SLC6A11: variants seen among roughly 807,000 people sequenced by gnomAD.
The protein encoded by SLC6A11 is solute carrier family 6 member 11.
A neutral mutation model predicts 74.8 loss-of-function variants in SLC6A11; 25 were observed. The observed-to-expected ratio is 0.33, with a 90% CI of 0.24 to 0.47. The LOEUF (loss-of-function observed/expected upper bound fraction) is 0.47, where lower values mean the gene tolerates loss of function less well. Ranked by LOEUF, SLC6A11 falls within the 20% of genes least tolerant of loss-of-function variation. SLC6A11 has a pLI of 1.00. For missense variants in SLC6A11, 574 were observed against 837.0 expected, an observed-to-expected ratio of 0.69 and a Z score of 3.88; for synonymous variants, 330 against 330.2, an observed-to-expected ratio of 1.00 and a Z score of 0.01.
At chr3:10,912,861 G>A (rs539677091) in intron 7 of SLC6A11, among the ~76,000 whole-genome samples, 2 of 152,230 alleles carry the variant, frequency 1.3e-5, no homozygotes, top group Admixed American at 1.3e-4. Flanking sequence ...GTCTGTTGAG[G>A]TTTCGGTCCA....
chr3:10,866,841 G>T (rs976670304), intron 5 of SLC6A11, among the ~76,000 whole-genome samples: 5 of 152,264 alleles, frequency 3.3e-5, no homozygotes, highest in African/African-American at 1.2e-4. Flanking sequence ...TTGTGAGGAG[G>T]CCACATGTGT....
chr3:10,892,146 A>G (rs1037561455), intron 6 of SLC6A11, among the ~76,000 whole-genome samples: 2 of 152,232 alleles, frequency 1.3e-5, no homozygotes, highest in Non-Finnish European at 2.9e-5. Context: ...GATACCTCTT[A>G]GTTGGCTGGG....
At chr3:10,880,283 T>C (rs188807751) in intron 6 of SLC6A11, among the ~76,000 whole-genome samples, 3 of 152,306 alleles carry the variant, frequency 2.0e-5, no homozygotes, top group Admixed American at 6.5e-5. Flanking sequence ...ATTTGTTTGT[T>C]TTCTGAAAAT....
At chr3:10,892,874 G>A (rs1344620905) in intron 6 of SLC6A11, among the ~76,000 whole-genome samples, 1 of 152,190 alleles carries the variant, frequency 6.6e-6, no homozygotes, top group African/African-American at 2.4e-5. Context: ...GGCTGTGGAA[G>A]TGCGTGGGGG....
intron 6 of SLC6A11, among the ~76,000 whole-genome samples, chr3:10,901,866 CT>C (rs1421214226): frequency 6.6e-6 from 1 of 152,250 alleles, no homozygotes; most frequent in Non-Finnish European, 1.5e-5. Flanking sequence ...TAATCATTCA[CT>C]TCTACAAAAG....
In SLC6A11 at chr3:10,816,335, C is replaced by T. The variant is rs1008805036; in HGVS notation, c.70C>T (p.Pro24Ser). 2 of 1,416,720 alleles carry T rather than the reference C, an allele frequency of 1.4e-6. No homozygotes were observed. Among genetic ancestry groups the T allele is most frequent in the Non-Finnish European group, 9.2e-7 (1 of 1,088,830 alleles). The allele number at this position is 1,416,720 out of a possible 1,614,324, so 87.8% of individuals were successfully genotyped here. ...AAEEARESEAPGGGCSSGGAA... is the reference protein window; with the variant it reads ...AAEEARESEASGGGCSSGGAA... Reference sequence around the variant, plus strand: ...TGAGGAGGCGCGGGAGTCCGAGGCGCCGGGTGGCGGCTGCAGCAGCGGGGG... The same window carrying T: ...TGAGGAGGCGCGGGAGTCCGAGGCGTCGGGTGGCGGCTGCAGCAGCGGGGG... The change falls in exon 1 of 14, where the codon CCG becomes TCG. Residue 24 changes from proline (P) to serine (S), a missense_variant. Physicochemically the swap from Pro to Ser is moderately conservative, Grantham distance 74. Transcript: ENST00000254488. This position sits in a 1 kb window ranked among gnomAD's most constrained non-coding sequence, Gnocchi z 4.2.
intron 5 of SLC6A11, among the ~76,000 whole-genome samples, chr3:10,867,401 G>A (rs2106598768): frequency 6.6e-6 from 1 of 152,320 alleles, no homozygotes; most frequent in South Asian, 2.1e-4. Flanking sequence ...ATTTTTGTCT[G>A]CAAAGTGGGG....
intron 6 of SLC6A11, among the ~76,000 whole-genome samples, chr3:10,905,514 A>C (rs1695291710): frequency 6.6e-6 from 1 of 152,228 alleles, no homozygotes; most frequent in African/African-American, 2.4e-5. Flanking sequence ...GTGAGAAATA[A>C]ACTTTTATTG....
At chr3:10,883,814 A>G (rs947095444) in intron 6 of SLC6A11, among the ~76,000 whole-genome samples, 12 of 152,118 alleles carry the variant, frequency 7.9e-5, no homozygotes, top group African/African-American at 2.7e-4. Context: ...GAGACATTAT[A>G]TACGGTTTTG....
chr3:10,872,350 A>G (rs1694837744), intron 5 of SLC6A11, among the ~76,000 whole-genome samples: 2 of 152,220 alleles, frequency 1.3e-5, no homozygotes, highest in South Asian at 4.1e-4. Flanking sequence ...TGTTATTATC[A>G]TGTGTAAAGG....
intron 3 of SLC6A11, 85 bp downstream of exon 3, chr3:10,819,937 T>C (rs1694116387): frequency 3.5e-6 from 5 of 1,425,822 alleles, no homozygotes; most frequent in Non-Finnish European, 4.8e-6. Context: ...CCAGTCCTGG[T>C]CCCTGGCCTC....
At chr3:10,909,830 A>G (rs946170854) in intron 6 of SLC6A11, among the ~76,000 whole-genome samples, 1 of 152,226 alleles carries the variant, frequency 6.6e-6, no homozygotes, top group African/African-American at 2.4e-5. Flanking sequence ...GGGAGGAATT[A>G]AAAATACAAC....
At chr3:10,868,164 G>A (rs1020757329) in intron 5 of SLC6A11, among the ~76,000 whole-genome samples, 1 of 152,178 alleles carries the variant, frequency 6.6e-6, no homozygotes, top group African/African-American at 2.4e-5. Flanking sequence ...CCCAGAGAGG[G>A]TATGGAACTG....
At chr3:10,860,519 A>C (rs796820118) in intron 5 of SLC6A11, among the ~76,000 whole-genome samples, 20 of 152,358 alleles carry the variant, frequency 1.3e-4, no homozygotes, top group African/African-American at 4.8e-4. Context: ...TGAGAGGAAG[A>C]GGAAGCTGAA....
chr3:10,832,481 T>C (rs1694310354), intron 4 of SLC6A11, among the ~76,000 whole-genome samples: 1 of 152,234 alleles, frequency 6.6e-6, no homozygotes, highest in South Asian at 2.1e-4. Context: ...GTTGTGACCT[T>C]CTTCTTCTAA....
intron 5 of SLC6A11, among the ~76,000 whole-genome samples, chr3:10,854,945 G>A (rs566662705): frequency 4.3e-4 from 66 of 152,262 alleles, no homozygotes; most frequent in South Asian, 2.7e-3. Flanking sequence ...GGATGGGTGC[G>A]TGAGTAGATG....
intron 5 of SLC6A11, among the ~76,000 whole-genome samples, chr3:10,869,564 G>A (rs898906394): frequency 6.6e-5 from 10 of 152,212 alleles, no homozygotes; most frequent in Non-Finnish European, 1.5e-4. Context: ...AAAAGGCAAG[G>A]AGGCCTAAGA....
chr3:10,860,803 C>T (rs1052876273), intron 5 of SLC6A11, among the ~76,000 whole-genome samples: 2 of 152,146 alleles, frequency 1.3e-5, no homozygotes, highest in African/African-American at 4.8e-5. Flanking sequence ...ACACCATTAT[C>T]TAAAAGGGGG....
intron 5 of SLC6A11, among the ~76,000 whole-genome samples, chr3:10,859,885 C>A (rs1186550903): frequency 6.6e-6 from 1 of 152,146 alleles, no homozygotes; most frequent in Non-Finnish European, 1.5e-5. Context: ...TCCTGTGTGA[C>A]ACGTGGAATA....
Sources: gnomAD v4.1 joint callset for allele counts (sites outside exome capture counted in the v4.1 genomes callset) on GRCh38, gnomAD v4.1.1 for gene constraint, Gnocchi (gnomAD v3.1) non-coding constraint, MANE v1.5 for transcripts, NCBI Gene and HGNC (gene_info 2026-07-23, HGNC 2026-07-21) for gene names.